Variants in PRKAR2B observed in about 807,000 individuals in gnomAD.
The protein encoded by PRKAR2B is protein kinase cAMP-dependent type II regulatory subunit beta, also known as cAMP-dependent protein kinase type II-beta regulatory subunit.
PRKAR2B carries 14 observed loss-of-function variants against 49.9 expected under a neutral mutation model. The ratio of observed to expected loss-of-function variants is 0.28; its 90% confidence interval spans 0.19 to 0.44. The LOEUF (loss-of-function observed/expected upper bound fraction) is 0.44, where lower values mean the gene tolerates loss of function less well. Among genes scored for constraint, PRKAR2B ranks in the 20% least tolerant of loss-of-function variants. The pLI is 1.00. For synonymous variants in PRKAR2B, 196 were observed against 197.7 expected, an observed-to-expected ratio of 0.99 and a Z score of 0.07; for missense variants, 393 against 537.9, an observed-to-expected ratio of 0.73 and a Z score of 2.67.
At chr7:107,095,208 A>G (rs1794812942) in intron 2 of PRKAR2B, among the ~76,000 whole-genome samples, 1 of 152,148 alleles carries the variant, frequency 6.6e-6, no homozygotes, top group Non-Finnish European at 1.5e-5. Flanking sequence ...GTTCTCCTTG[A>G]AGAAGTCCTT....
At chr7:107,138,473 T>A (rs1015302233) in intron 4 of PRKAR2B, among the ~76,000 whole-genome samples, 2 of 150,926 alleles carry the variant, frequency 1.3e-5, no homozygotes, top group African/African-American at 4.9e-5. Context: ...GAGTGCAGTG[T>A]AACAGTCATG....
chr7:107,138,794 C>T (rs903177235), intron 4 of PRKAR2B, among the ~76,000 whole-genome samples: 3 of 152,116 alleles, frequency 2.0e-5, no homozygotes, highest in East Asian at 1.9e-4. Flanking sequence ...AGCAGTCCTC[C>T]GACCTCGGCC....
intron 4 of PRKAR2B, chr7:107,129,200 T>C (rs1342318634): frequency 6.6e-6 from 1 of 152,238 alleles, no homozygotes; most frequent in Non-Finnish European, 1.5e-5. Flanking sequence ...CTGCGTCATA[T>C]TTACAGTCTG....
At chr7:107,104,858 G>A (rs971873858) in intron 2 of PRKAR2B, among the ~76,000 whole-genome samples, 1 of 152,156 alleles carries the variant, frequency 6.6e-6, no homozygotes, top group Admixed American at 6.5e-5. Context: ...GGTCAATATT[G>A]TGTAAGAATT....
intron 9 of PRKAR2B, 34 bp from the exon 10 acceptor site, chr7:107,157,152 G>T (rs760379072): frequency 1.2e-6 from 2 of 1,608,118 alleles, no homozygotes; most frequent in Non-Finnish European, 1.7e-6. Context: ...TTCATAAGCT[G>T]AGGAAAAGCT....
At chr7:107,079,285 A>G (rs1023994211) in intron 2 of PRKAR2B, among the ~76,000 whole-genome samples, 7 of 152,208 alleles carry the variant, frequency 4.6e-5, no homozygotes, top group Middle Eastern at 3.4e-3. Flanking sequence ...AATTGCTATA[A>G]TTGTATCTAA....
intron 1 of PRKAR2B, among the ~76,000 whole-genome samples, chr7:107,051,682 T>C (rs1172284119): frequency 6.6e-6 from 1 of 152,206 alleles, no homozygotes; most frequent in Non-Finnish European, 1.5e-5. Context: ...AAACAGTTGG[T>C]GTAACATTTA....
chr7:107,074,530 G>A (rs1047492118), intron 2 of PRKAR2B, among the ~76,000 whole-genome samples: 1 of 152,096 alleles, frequency 6.6e-6, no homozygotes, highest in African/African-American at 2.4e-5. Flanking sequence ...TGGGCGCTGT[G>A]GTACACACTT....
intron 3 of PRKAR2B, among the ~76,000 whole-genome samples, chr7:107,125,821 G>T (rs1054518078): frequency 8.5e-5 from 13 of 152,084 alleles, no homozygotes; most frequent in African/African-American, 2.9e-4. Flanking sequence ...GGGTGCAGCG[G>T]CTCATGCCTG....
intron 3 of PRKAR2B, among the ~76,000 whole-genome samples, chr7:107,122,798 T>A (rs905951533): frequency 1.3e-5 from 2 of 152,206 alleles, no homozygotes; most frequent in African/African-American, 4.8e-5. Context: ...TCCTTGAAAC[T>A]TATGTAAAAT....
At chr7:107,068,388 A>AT (rs1206277373) in intron 1 of PRKAR2B, among the ~76,000 whole-genome samples, 8 of 151,754 alleles carry the variant, frequency 5.3e-5, no homozygotes, top group Admixed American at 5.3e-4. Flanking sequence ...CTGTGGTTGC[A>AT]TTTTTTTGCA....
intron 2 of PRKAR2B, among the ~76,000 whole-genome samples, chr7:107,086,238 G>T (rs1039797710): frequency 1.2e-4 from 19 of 152,034 alleles, no homozygotes; most frequent in African/African-American, 4.6e-4. Flanking sequence ...TTTGAGTTCG[G>T]ATTTGGGCTT....
At chr7:107,059,364 C>G (rs1179565759) in intron 1 of PRKAR2B, among the ~76,000 whole-genome samples, 4 of 152,078 alleles carry the variant, frequency 2.6e-5, no homozygotes, top group Non-Finnish European at 5.9e-5. Flanking sequence ...CCCATTCCAT[C>G]AACTTCTCTC....
chr7:107,084,070 C>T (rs931586983), intron 2 of PRKAR2B, among the ~76,000 whole-genome samples: 2 of 152,118 alleles, frequency 1.3e-5, no homozygotes, highest in African/African-American at 2.4e-5. Flanking sequence ...TAGTTTTTAT[C>T]CTGAGTCTGG....
chr7:107,053,367 A>G (rs758943), intron 1 of PRKAR2B, among the ~76,000 whole-genome samples: 40,340 of 152,124 alleles, frequency 0.27, 6,591 homozygotes, highest in South Asian at 0.42. Flanking sequence ...ATTTTCTCCT[A>G]CATCCCAACA....
intron 2 of PRKAR2B, among the ~76,000 whole-genome samples, chr7:107,119,551 T>C (rs1221946998): frequency 1.3e-5 from 2 of 152,204 alleles, no homozygotes; most frequent in African/African-American, 2.4e-5. Flanking sequence ...GAAGTAGATA[T>C]CCTTGTGTTC....
intron 2 of PRKAR2B, among the ~76,000 whole-genome samples, chr7:107,113,425 A>G (rs1369964337): frequency 6.6e-6 from 1 of 152,206 alleles, no homozygotes; most frequent in Non-Finnish European, 1.5e-5. Context: ...CTTAAAATTC[A>G]TAATGTTCAT....
chr7:107,102,598 A>G (rs1794993661), intron 2 of PRKAR2B, among the ~76,000 whole-genome samples: 1 of 152,168 alleles, frequency 6.6e-6, no homozygotes, highest in African/African-American at 2.4e-5. Flanking sequence ...GAACCCCCCA[A>G]TTTTGGGGTT....
chr7:107,156,913 A>T, intron 8 of PRKAR2B, 71 bp from the exon 9 acceptor site: 6 of 1,328,824 alleles, frequency 4.5e-6, no homozygotes, highest in Non-Finnish European at 6.5e-6. Context: ...TTTTAGGGAT[A>T]TGAAAGGTAA....
Sources: gnomAD v4.1 joint callset for allele counts (sites outside exome capture counted in the v4.1 genomes callset) on GRCh38, gnomAD v4.1.1 for gene constraint, MANE v1.5 for transcripts, NCBI Gene and HGNC (gene_info 2026-07-23, HGNC 2026-07-21) for gene names.